The following SMIM35 variants were observed in gnomAD, a reference collection of about 807,000 sequenced individuals.
SMIM35 encodes the protein TMPRSS4 antisense RNA 1 (non-protein coding).
intron 1 of SMIM35, chr11:118,029,765 C>A (rs2058303269): frequency 2.2e-6 from 1 of 457,252 alleles, no homozygotes; most frequent in Non-Finnish European, 4.4e-6. Flanking sequence ...AGCCCCCTTT[C>A]CCAGAGGTCT....
chr11:118,082,064 AG>A (rs1945175684), intron 1 of SMIM35, among the ~76,000 whole-genome samples: 1 of 152,180 alleles, frequency 6.6e-6, no homozygotes, highest in Non-Finnish European at 1.5e-5. Flanking sequence ...GGGTCTTGCC[AG>A]GCTGCTGGGA....
rs57261529 is a variant in SMIM35, at chr11:118,048,946, C to CAAAAAAAAAAAAAAAAAA, written c.8-33155_8-33138dup. Among the ~76,000 whole-genome samples the CAAAAAAAAAAAAAAAAAA allele has an allele frequency of 6.9e-3, 416 of 60,328 alleles. 38 individuals are homozygous for CAAAAAAAAAAAAAAAAAA. The highest frequency in any genetic ancestry group is 8.5e-3 in the Non-Finnish European group (280 of 32,760). 39.6% of individuals were successfully genotyped at this position (60,328 alleles called of 152,430 possible). ...GCCTATCGCCTAGGCTGAAGAGCTG[C>CAAAAAAAAAAAAAAAAAA]AAAAAAAAAAAAAAAAAAGCAAGTG... On this transcript the variant is annotated intron_variant, in intron 1 of 4. Coordinates refer to ENST00000689828, the MANE Select transcript of SMIM35 (RefSeq NM_001394165.1).
At chr11:118,051,752 A>G (rs1944217377) in intron 1 of SMIM35, among the ~76,000 whole-genome samples, 1 of 152,182 alleles carries the variant, frequency 6.6e-6, no homozygotes, top group African/African-American at 2.4e-5. Flanking sequence ...CAGCCATGTC[A>G]TCTGTGGTTT....
chr11:118,025,396 A>G (rs767513448), intron 1 of SMIM35: 44 of 379,718 alleles, frequency 1.2e-4, no homozygotes, highest in African/African-American at 9.3e-4. Context: ...ATTTTAATTT[A>G]CATTTCGACC....
At chr11:118,077,200 C>CCTG in intron 1 of SMIM35, 1 of 1,488,812 alleles carries the variant, frequency 6.7e-7, no homozygotes, top group African/African-American at 1.4e-5. Context: ...GGACTTCTGA[C>CCTG]CTGCTGGCCA....
chr11:118,059,233 TATC>T (rs1944361125), intron 1 of SMIM35: 1 of 152,258 alleles, frequency 6.6e-6, no homozygotes. Flanking sequence ...TCACAGTAAA[TATC>T]ATCCCATGAC....
chr11:118,067,195 T>G (rs1244380162), intron 1 of SMIM35: 1 of 152,014 alleles, frequency 6.6e-6, no homozygotes, highest in African/African-American at 2.4e-5. Context: ...AGGGTCCAAG[T>G]GCAGACACGA....
Position 118,043,536 on chromosome 11 carries a change from C to T in SMIM35, c.8-27727G>A, listed in dbSNP as rs551153813. On this transcript the variant is annotated intron_variant, in intron 1 of 4. Coordinates refer to ENST00000689828, the MANE Select transcript of SMIM35 (RefSeq NM_001394165.1). ...ATAGAGAAAGAAAGTAGAGGCTGGG[C>T]GCAGTGACTCACACCTGTAATTCCA... Among the ~76,000 whole-genome samples, 23 of 152,146 alleles carry T rather than the reference C, an allele frequency of 1.5e-4. 1 individual carries two copies. The East Asian group carries it at 3.5e-3, about 23-fold the overall frequency.
chr11:118,084,024 C>A (rs904258828), intron 1 of SMIM35, among the ~76,000 whole-genome samples: 1 of 152,042 alleles, frequency 6.6e-6, no homozygotes, highest in Non-Finnish European at 1.5e-5. Flanking sequence ...GGCAACAGAG[C>A]GAGACTCCAT....
chr11:118,082,526 A>G (rs1413593302), intron 1 of SMIM35, among the ~76,000 whole-genome samples: 1 of 151,634 alleles, frequency 6.6e-6, no homozygotes, highest in African/African-American at 2.4e-5. Flanking sequence ...ACACCACTGC[A>G]CTCCAGCCTG....
At chr11:118,010,980 C>A (rs2058147222) in intron 4 of SMIM35, among the ~76,000 whole-genome samples, 1 of 152,212 alleles carries the variant, frequency 6.6e-6, no homozygotes, top group Admixed American at 6.5e-5. Flanking sequence ...CGTTTCTAAA[C>A]AAGCTGGAAT....
intron 1 of SMIM35, among the ~76,000 whole-genome samples, chr11:118,037,966 A>T (rs1270992877): frequency 6.6e-6 from 1 of 152,108 alleles, no homozygotes; most frequent in Admixed American, 6.5e-5. Context: ...GTTTCTTTTC[A>T]GAGTTGTGGA....
At chr11:118,079,910 A>G (rs986577378) in intron 1 of SMIM35, among the ~76,000 whole-genome samples, 1 of 152,166 alleles carries the variant, frequency 6.6e-6, no homozygotes, top group African/African-American at 2.4e-5. Flanking sequence ...GGAAGGTCCT[A>G]AAGGGCAAGA....
intron 1 of SMIM35, among the ~76,000 whole-genome samples, chr11:118,083,250 C>A (rs751164956): frequency 1.2e-4 from 18 of 152,224 alleles, no homozygotes; most frequent in Admixed American, 4.6e-4. Flanking sequence ...CCCCGTTCCT[C>A]CTAGAACTGT....
chr11:118,058,385 A>G (rs1944347513), intron 1 of SMIM35, among the ~76,000 whole-genome samples: 1 of 152,110 alleles, frequency 6.6e-6, no homozygotes, highest in South Asian at 2.1e-4. Context: ...AGTGTGGGGA[A>G]GGGGCTAGAG....
intron 3 of SMIM35, among the ~76,000 whole-genome samples, chr11:118,014,278 C>T (rs1442154315): frequency 6.6e-6 from 1 of 151,602 alleles, no homozygotes; most frequent in Non-Finnish European, 1.5e-5. Context: ...GTTATGATAG[C>T]ATCTTTCTGA....
At chr11:118,068,169 A>G (rs946289746) in intron 1 of SMIM35, among the ~76,000 whole-genome samples, 3 of 152,038 alleles carry the variant, frequency 2.0e-5, no homozygotes, top group Non-Finnish European at 4.4e-5. Context: ...AAGCTGCCAC[A>G]GAAAGGATGC....
At chr11:118,041,391 C>T (rs974248482) in intron 1 of SMIM35, among the ~76,000 whole-genome samples, 1 of 152,024 alleles carries the variant, frequency 6.6e-6, no homozygotes, top group South Asian at 2.1e-4. Flanking sequence ...CCTGGATAGA[C>T]CATATGCCAA....
chr11:118,037,254 T>C (rs1379919210), intron 1 of SMIM35, among the ~76,000 whole-genome samples: 2 of 152,228 alleles, frequency 1.3e-5, no homozygotes, highest in African/African-American at 2.4e-5. Context: ...CATCAGAGCA[T>C]AGGCTAGCAG....
Sources: gnomAD v4.1 joint callset for allele counts (sites outside exome capture counted in the v4.1 genomes callset) on GRCh38, gnomAD v4.1.1 for gene constraint, MANE v1.5 for transcripts, NCBI Gene and HGNC (gene_info 2026-07-23, HGNC 2026-07-21) for gene names.